The following GAP43 variants were observed in gnomAD, a reference collection of about 807,000 sequenced individuals.
The protein encoded by GAP43 is neuromodulin.
GAP43 carries 6 observed loss-of-function variants against 18.6 expected under a neutral mutation model. The observed-to-expected ratio is 0.32, with a 90% CI of 0.18 to 0.64. The LOEUF is 0.64. Ranked by LOEUF, GAP43 falls within the 30% of genes least tolerant of loss-of-function variation. The probability of loss-of-function intolerance (pLI) is 0.78; values close to 1 mark genes in which losing one functional copy is unlikely to be tolerated. For missense variants in GAP43, 292 were observed against 295.5 expected, an observed-to-expected ratio of 0.99 and a Z score of 0.09; for synonymous variants, 115 against 111.4, an observed-to-expected ratio of 1.03 and a Z score of -0.20.
At chr3:115,708,445 C>T (rs903560283) in intron 2 of GAP43, among the ~76,000 whole-genome samples, 3 of 152,174 alleles carry the variant, frequency 2.0e-5, no homozygotes, top group African/African-American at 7.2e-5. Context: ...ATCTTTGGTC[C>T]AGATCTCCAT....
At chr3:115,693,375 T>C (rs1709139929) in intron 2 of GAP43, among the ~76,000 whole-genome samples, 1 of 152,136 alleles carries the variant, frequency 6.6e-6, no homozygotes, top group African/African-American at 2.4e-5. Flanking sequence ...TGGGCCCTGG[T>C]TTCAACACAC....
intron 1 of GAP43, among the ~76,000 whole-genome samples, chr3:115,639,211 C>G (rs1488532310): frequency 6.6e-6 from 1 of 152,158 alleles, no homozygotes; most frequent in Non-Finnish European, 1.5e-5. Context: ...ATATTTCACA[C>G]AGAGCTAAGA....
intron 2 of GAP43, among the ~76,000 whole-genome samples, chr3:115,704,502 C>A (rs1709336608): frequency 6.6e-6 from 1 of 152,084 alleles, no homozygotes; most frequent in African/African-American, 2.4e-5. Flanking sequence ...TTGAACATAA[C>A]ATGTTAGAAT....
At chr3:115,636,272 C>T (rs1708328777) in intron 1 of GAP43, among the ~76,000 whole-genome samples, 1 of 152,120 alleles carries the variant, frequency 6.6e-6, no homozygotes, top group South Asian at 2.1e-4. Flanking sequence ...GATCCCAGCA[C>T]ATTCTCAGTT....
intron 1 of GAP43, among the ~76,000 whole-genome samples, chr3:115,660,305 T>C: frequency 6.6e-6 from 1 of 152,320 alleles, no homozygotes; most frequent in Middle Eastern, 3.4e-3. Flanking sequence ...TACCTATAAT[T>C]ATATACCTAT....
intron 1 of GAP43, among the ~76,000 whole-genome samples, chr3:115,640,669 C>T (rs572001538): frequency 3.3e-5 from 5 of 152,116 alleles, no homozygotes; most frequent in Non-Finnish European, 7.4e-5. Flanking sequence ...AACAAGTCTC[C>T]GTTACTCTGA....
chr3:115,712,896 AG>A (rs773470513), intron 2 of GAP43, among the ~76,000 whole-genome samples: 21 of 152,232 alleles, frequency 1.4e-4, no homozygotes, highest in Non-Finnish European at 2.8e-4. Context: ...ATTAGCAAAA[AG>A]GTTATTCTCT....
chr3:115,670,716 T>C (rs1246694165), intron 1 of GAP43, among the ~76,000 whole-genome samples: 1 of 152,180 alleles, frequency 6.6e-6, no homozygotes, highest in East Asian at 1.9e-4. Flanking sequence ...GGGCCATAAG[T>C]AGGTACTTCC....
chr3:115,635,228 A>G (rs533415840), intron 1 of GAP43, among the ~76,000 whole-genome samples: 38 of 152,292 alleles, frequency 2.5e-4, no homozygotes, highest in African/African-American at 8.9e-4. Context: ...TGGAGAACTC[A>G]GGTTGGTATT....
At chr3:115,688,179 GC>G (rs1489312632) in intron 2 of GAP43, among the ~76,000 whole-genome samples, 1 of 151,970 alleles carries the variant, frequency 6.6e-6, no homozygotes, top group Non-Finnish European at 1.5e-5. Context: ...ACCATGCCCA[GC>G]TAATTTTTTG....
chr3:115,657,374 A>T (rs1708596737), intron 1 of GAP43, among the ~76,000 whole-genome samples: 1 of 152,222 alleles, frequency 6.6e-6, no homozygotes. Flanking sequence ...TTACCACCAG[A>T]TGGTGAAACT....
intron 2 of GAP43, among the ~76,000 whole-genome samples, chr3:115,687,694 C>T (rs1343784026): frequency 3.9e-5 from 6 of 152,126 alleles, no homozygotes; most frequent in Non-Finnish European, 5.9e-5. Flanking sequence ...GGTCCTATCT[C>T]GCAATCCCCT....
intron 2 of GAP43, among the ~76,000 whole-genome samples, chr3:115,683,138 C>CGCGCGT (rs1708980221): frequency 7.8e-6 from 1 of 127,868 alleles, no homozygotes; most frequent in African/African-American, 3.1e-5. Context: ...CGCGCGTGCG[C>CGCGCGT]GCGCGCGCGC....
chr3:115,694,232 C>T (rs3732626), intron 2 of GAP43, among the ~76,000 whole-genome samples: 3,982 of 152,220 alleles, frequency 0.026, 198 homozygotes, highest in East Asian at 0.13. Context: ...AGCTCCACCC[C>T]GAAGCCATCT....
chr3:115,647,564 C>A (rs1013124751), intron 1 of GAP43, among the ~76,000 whole-genome samples: 2 of 151,486 alleles, frequency 1.3e-5, no homozygotes, highest in East Asian at 3.9e-4. Context: ...GGAGAGTGCC[C>A]AGTATGAAGG....
intron 2 of GAP43, among the ~76,000 whole-genome samples, chr3:115,682,860 G>T (rs1049082656): frequency 1.3e-5 from 2 of 152,086 alleles, no homozygotes; most frequent in African/African-American, 4.8e-5. Flanking sequence ...AAAAAAGTAA[G>T]CAGACAAAAG....
chr3:115,649,209 T>C (rs1013716489), intron 1 of GAP43, among the ~76,000 whole-genome samples: 1 of 152,148 alleles, frequency 6.6e-6, no homozygotes, highest in Admixed American at 6.5e-5. Flanking sequence ...AAGATGGTGC[T>C]TTACTGTTGC....
At chr3:115,625,080 C>G (rs1708169958) in intron 1 of GAP43, among the ~76,000 whole-genome samples, 1 of 152,012 alleles carries the variant, frequency 6.6e-6, no homozygotes, top group Non-Finnish European at 1.5e-5. Flanking sequence ...AAGAAACAGC[C>G]TGCCAGCTTA....
intron 1 of GAP43, among the ~76,000 whole-genome samples, chr3:115,659,935 C>A (rs1358953077): frequency 2.0e-5 from 3 of 152,152 alleles, no homozygotes; most frequent in Non-Finnish European, 4.4e-5. Context: ...GAGTTCCATT[C>A]AGATTTTCAA....
Sources: allele counts gnomAD v4.1 joint callset (sites outside exome capture counted in the v4.1 genomes callset), GRCh38; gene constraint gnomAD v4.1.1; transcripts MANE v1.5; gene names NCBI Gene and HGNC (gene_info 2026-07-23, HGNC 2026-07-21).